The following PTPRN2 variants were observed in gnomAD, a reference collection of about 807,000 sequenced individuals.
PTPRN2 encodes receptor-type tyrosine-protein phosphatase N2.
A neutral mutation model predicts 118.8 loss-of-function variants in PTPRN2; 74 were observed. The observed-to-expected ratio is 0.62, with a 90% CI of 0.52 to 0.76. PTPRN2 has a LOEUF of 0.76. PTPRN2 is among the 30% of genes least tolerant of loss of function. The pLI, the probability that PTPRN2 is intolerant of heterozygous loss-of-function variation, is 0.00. For missense variants in PTPRN2, 1,481 were observed against 1,394.4 expected (o/e 1.06, Z -0.99); for synonymous variants, 641 against 608.0 (o/e 1.05, Z -0.80).
At position 158,226,764 on chromosome 7, in the gene PTPRN2, C is replaced by T. The variant is rs1828817905; in HGVS notation, c.278-21491G>A. Among the ~76,000 whole-genome samples, 4 of 151,542 alleles carry T rather than the reference C, an allele frequency of 2.6e-5. No homozygotes were observed. The South Asian group carries it at 8.4e-4, about 32-fold the overall frequency. On this transcript the variant is annotated intron_variant, in intron 3 of 22. Coordinates refer to ENST00000389418, the MANE Select transcript of PTPRN2 (RefSeq NM_002847.5). ...GAAGTCCCACAACACAGCACTTACC[C>T]TAATCGCGTGGGAGCCTCTCACGTA... is the stretch of plus-strand genomic sequence containing the variant.
At chr7:158,569,639 A>AACTG (rs1827864355) in intron 1 of PTPRN2, among the ~76,000 whole-genome samples, 1 of 149,768 alleles carries the variant, frequency 6.7e-6, no homozygotes, top group African/African-American at 2.5e-5. Flanking sequence ...AAGGCTGCCC[A>AACTG]ACAAGAACGC....
intron 11 of PTPRN2, among the ~76,000 whole-genome samples, chr7:157,941,239 A>C (rs1461816531): frequency 6.5e-4 from 24 of 37,048 alleles, no homozygotes; most frequent in Admixed American, 8.3e-4. Flanking sequence ...CACCCTCCCC[A>C]CCATGACACT....
At chr7:157,976,131 C>T (rs935414910) in intron 11 of PTPRN2, among the ~76,000 whole-genome samples, 3 of 152,244 alleles carry the variant, frequency 2.0e-5, no homozygotes, top group Admixed American at 1.3e-4. Context: ...CCTGGTGAAA[C>T]GCCGGGAAAG....
At chr7:157,981,476 C>T (rs180706444) in intron 11 of PTPRN2, among the ~76,000 whole-genome samples, 15 of 152,314 alleles carry the variant, frequency 9.8e-5, no homozygotes, top group Admixed American at 9.8e-4. Flanking sequence ...AACACACACA[C>T]AAATTTGACT....
chr7:158,072,059 G>GTCGTA (rs1811956059), intron 11 of PTPRN2, among the ~76,000 whole-genome samples: 2 of 132,884 alleles, frequency 1.5e-5, no homozygotes, highest in African/African-American at 5.7e-5. Context: ...GGAGGTTCCC[G>GTCGTA]TGGTGGTGGA....
intron 21 of PTPRN2, among the ~76,000 whole-genome samples, chr7:157,561,213 C>T (rs943723925): frequency 1.2e-4 from 19 of 152,028 alleles, no homozygotes; most frequent in South Asian, 4.2e-4. Context: ...GCCATCCCTT[C>T]GGCCCCCGGG....
intron 12 of PTPRN2, among the ~76,000 whole-genome samples, chr7:157,879,589 T>C (rs1322010267): frequency 6.7e-6 from 1 of 149,974 alleles, no homozygotes; most frequent in Non-Finnish European, 1.5e-5. Flanking sequence ...TGAAATCATA[T>C]TTTTTTTTTC....
intron 11 of PTPRN2, among the ~76,000 whole-genome samples, chr7:157,975,641 C>T (rs1802689189): frequency 6.6e-6 from 1 of 152,298 alleles, no homozygotes; most frequent in South Asian, 2.1e-4. Flanking sequence ...TGAGGCCAGC[C>T]CTTGGTGCCA....
intron 7 of PTPRN2, among the ~76,000 whole-genome samples, chr7:158,137,286 G>A (rs1453967980): frequency 6.6e-6 from 1 of 152,050 alleles, no homozygotes; most frequent in Non-Finnish European, 1.5e-5. Flanking sequence ...GCGTGGTAGT[G>A]CACACCTGTA....
chr7:158,113,210 C>T (rs912822389), intron 9 of PTPRN2, among the ~76,000 whole-genome samples: 18 of 152,202 alleles, frequency 1.2e-4, no homozygotes, highest in East Asian at 7.8e-4. Context: ...CCGAGCTTAG[C>T]GGGTCATGAT....
intron 11 of PTPRN2, among the ~76,000 whole-genome samples, chr7:158,054,589 G>C (rs985772145): frequency 1.3e-5 from 2 of 152,216 alleles, no homozygotes; most frequent in Admixed American, 1.3e-4. Context: ...GGTCTCGCAG[G>C]TGCAGCCTCC....
intron 12 of PTPRN2, among the ~76,000 whole-genome samples, chr7:157,844,136 C>T (rs10229732): frequency 0.01 from 1,538 of 151,684 alleles, 28 homozygotes; most frequent in African/African-American, 0.036. Flanking sequence ...GGCCCCTCCA[C>T]GTCATGGGTG....
intron 15 of PTPRN2, among the ~76,000 whole-genome samples, chr7:157,606,966 C>G (rs1409829272): frequency 1.3e-5 from 2 of 152,174 alleles, no homozygotes; most frequent in Non-Finnish European, 2.9e-5. Flanking sequence ...GATAAAACAT[C>G]TAGAGAGAGG....
intron 1 of PTPRN2, among the ~76,000 whole-genome samples, chr7:158,518,156 A>G (rs1404609384): frequency 6.6e-6 from 1 of 152,248 alleles, no homozygotes; most frequent in East Asian, 1.9e-4. Flanking sequence ...TAAAATAGTT[A>G]GAGCCCAATA....
chr7:157,823,146 T>TATCCATCC (rs943859750), intron 12 of PTPRN2, among the ~76,000 whole-genome samples: 3 of 151,630 alleles, frequency 2.0e-5, no homozygotes, highest in Non-Finnish European at 4.4e-5. Context: ...TGGAAGCATA[T>TATCCATCC]ATCCATCCAT....
At chr7:158,266,538 G>A (rs1797896061) in intron 3 of PTPRN2, among the ~76,000 whole-genome samples, 1 of 152,150 alleles carries the variant, frequency 6.6e-6, no homozygotes, top group South Asian at 2.1e-4. Context: ...CTGCTGCGGT[G>A]TGATGTCTGG....
intron 11 of PTPRN2, among the ~76,000 whole-genome samples, chr7:157,972,561 G>A (rs1802414388): frequency 1.7e-5 from 1 of 59,284 alleles, no homozygotes; most frequent in African/African-American, 7.4e-5. Context: ...TCCACACCAC[G>A]AGAGCAGGGC....
chr7:158,411,958 C>G (rs1329929668), intron 2 of PTPRN2, among the ~76,000 whole-genome samples: 1 of 151,800 alleles, frequency 6.6e-6, no homozygotes, highest in Non-Finnish European at 1.5e-5. Context: ...CATCGCAGCA[C>G]CCTCATCAGC....
chr7:158,397,686 G>T (rs1039344615), intron 2 of PTPRN2, among the ~76,000 whole-genome samples: 1 of 152,054 alleles, frequency 6.6e-6, no homozygotes, highest in African/African-American at 2.4e-5. Context: ...ACTTCCACAT[G>T]ACAACAACAT....
Sources: allele counts gnomAD v4.1 joint callset (sites outside exome capture counted in the v4.1 genomes callset), GRCh38; gene constraint gnomAD v4.1.1; transcripts MANE v1.5; gene names NCBI Gene and HGNC (gene_info 2026-07-23, HGNC 2026-07-21).